The following ABCG1 variants were observed in gnomAD, a reference collection of about 807,000 sequenced individuals.
ABCG1 encodes the protein ATP-binding cassette sub-family G member 1.
Under a neutral mutation model 69.2 loss-of-function variants are expected in ABCG1, and 29 were observed. The observed-to-expected ratio is 0.42, with a 90% confidence interval of 0.31 to 0.57. The LOEUF (loss-of-function observed/expected upper bound fraction) is 0.57. Among genes scored for constraint, ABCG1 ranks in the 20% least tolerant of loss-of-function variants. The pLI is 0.15. For missense variants in ABCG1, 718 were observed against 898.1 expected (o/e 0.80, Z 2.56); for synonymous variants, 370 against 374.8 (o/e 0.99, Z 0.15).
At chr21:42,231,624 TA>T (rs1228903881) in intron 2 of ABCG1, among the ~76,000 whole-genome samples, 1 of 152,252 alleles carries the variant, frequency 6.6e-6, no homozygotes, top group African/African-American at 2.4e-5. Context: ...GGAATTCCAT[TA>T]AGGGAAGACT....
At position 42,273,851 on chromosome 21, in the gene ABCG1, G is replaced by C. The variant is rs1051122756; in HGVS notation, c.537+416G>C. 6.6e-6 allele frequency among the ~76,000 whole-genome samples: 1 copy of C among 152,168 alleles called. No individual in the cohort carries two copies. Among genetic ancestry groups the C allele is most frequent in the Non-Finnish European group, 1.5e-5 (1 of 68,036 alleles). ...CCCACTCGCCTGGTGCCTTGGTCAG[G>C]ATACCAAGGGTCTATTCCTCTGACT... On this transcript the variant is annotated intron_variant, in intron 4 of 14. Coordinates refer to ENST00000398449, the MANE Select transcript of ABCG1 (RefSeq NM_016818.3). The surrounding 1 kb of genome is among the most constrained non-coding windows in gnomAD (Gnocchi z 5.3).
At chr21:42,243,434 C>CCGTGTGTG (rs2068080644) in intron 2 of ABCG1, among the ~76,000 whole-genome samples, 3 of 102,354 alleles carry the variant, frequency 2.9e-5, no homozygotes, top group Admixed American at 1.0e-4. Flanking sequence ...TATTTTAATA[C>CCGTGTGTG]CGTGTGTGTG....
chr21:42,238,468 C>T (rs771759278), intron 2 of ABCG1, among the ~76,000 whole-genome samples: 6 of 152,130 alleles, frequency 3.9e-5, no homozygotes, highest in Admixed American at 6.6e-5. Flanking sequence ...ATTTCAGACG[C>T]GTTAAATCCC....
chr21:42,207,715 G>A (rs536346160), intron 2 of ABCG1, among the ~76,000 whole-genome samples: 1 of 152,346 alleles, frequency 6.6e-6, no homozygotes, highest in Admixed American at 6.5e-5. Flanking sequence ...CAAAAGAGGG[G>A]CTCCTCATTA....
intron 5 of ABCG1, among the ~76,000 whole-genome samples, chr21:42,280,626 C>T (rs1365958885): frequency 6.6e-6 from 1 of 152,232 alleles, no homozygotes; most frequent in Non-Finnish European, 1.5e-5. Flanking sequence ...TGAGCGGACA[C>T]TGGAGAAAGT....
intron 7 of ABCG1, among the ~76,000 whole-genome samples, chr21:42,285,039 G>A (rs1188725711): frequency 6.6e-6 from 1 of 152,146 alleles, no homozygotes; most frequent in Non-Finnish European, 1.5e-5. Context: ...GGAAGCTGGT[G>A]AGCAGAGTCC....
At position 42,265,764 on chromosome 21, in the gene ABCG1, G is replaced by A. The variant is rs150690068; in HGVS notation, c.287-5306G>A. ...CCTCTGGTCCACTACACCGGACTGC[G>A]AGCTGGCTCAGGACCGCAGGCTGGG... On this transcript the variant is annotated intron_variant, in intron 2 of 14. Coordinates refer to ENST00000398449, the MANE Select transcript of ABCG1 (RefSeq NM_016818.3). 1.9e-4 allele frequency among the ~76,000 whole-genome samples: 29 copies of A among 152,312 alleles called. No individual in the cohort carries two copies. In the East Asian group the frequency reaches 4.8e-3, roughly 25 times the overall value.
At chr21:42,294,237 G>A (rs1162058704) in intron 13 of ABCG1, among the ~76,000 whole-genome samples, 6 of 152,194 alleles carry the variant, frequency 3.9e-5, no homozygotes, top group South Asian at 4.1e-4. Flanking sequence ...AGGAGCAGAC[G>A]GCAGTCTGTT....
intron 2 of ABCG1, among the ~76,000 whole-genome samples, chr21:42,263,380 T>C (rs2068445882): frequency 6.6e-6 from 1 of 152,212 alleles, no homozygotes. Flanking sequence ...TTTGGGGGTT[T>C]ACTTTAGATT....
At chr21:42,225,973 G>T (rs951983790) in intron 2 of ABCG1, 59 bp downstream of exon 2, 4 of 1,578,130 alleles carry the variant, frequency 2.5e-6, no homozygotes, top group East Asian at 2.3e-5. Context: ...GGAGGCAACA[G>T]GTTGTTTGGG....
chr21:42,219,340 T>C lies in ABCG1; in HGVS notation c.42+36T>C. On this transcript the variant is annotated intron_variant, in intron 1 of 14. Coordinates refer to ENST00000398449, the MANE Select transcript of ABCG1 (RefSeq NM_016818.3). The surrounding 1 kb of genome is among the most constrained non-coding windows in gnomAD (Gnocchi z 5.3). Reference sequence around the variant, plus strand: ...GCATCCTTCGTCCGCCGGGAACGGTTTTATTTTCAAGGAGAGCAGGAAACA... The same window carrying C: ...GCATCCTTCGTCCGCCGGGAACGGTCTTATTTTCAAGGAGAGCAGGAAACA... 1 of 1,591,452 alleles carries C rather than the reference T, an allele frequency of 6.3e-7. No individual in the cohort carries two copies.
At position 42,291,118 on chromosome 21, in the gene ABCG1, C is replaced by T. The variant is rs202091918; in HGVS notation, c.1420C>T (p.Arg474Trp). 2.5e-6 allele frequency: 4 copies of T among 1,613,986 alleles called. No homozygotes were observed. Among genetic ancestry groups the T allele is most frequent in the East Asian group, 2.2e-5 (1 of 44,898 alleles). The change falls in exon 12 of 15, where the codon CGG becomes TGG. Residue 474 changes from arginine to tryptophan, a missense_variant. Around this residue, in one of 2 missense-constraint regions of ABCG1, gnomAD observed 204 missense variants for 323.8 expected, o/e 0.63. Coordinates refer to ENST00000398449, the MANE Select transcript of ABCG1 (RefSeq NM_016818.3). The surrounding 1 kb of genome is among the most constrained non-coding windows in gnomAD (Gnocchi z 6.4). ...TFPLEMGVFL[R>W]EHLNYWYSLK... Reference sequence around the variant, plus strand: ...TCCCCTGGAGATGGGAGTCTTTCTTCGGGAACACCTGAACTACTGGTACAG... The same window carrying T: ...TCCCCTGGAGATGGGAGTCTTTCTTTGGGAACACCTGAACTACTGGTACAG...
chr21:42,201,533 C>A, intron 1 of ABCG1: 1 of 1,336,992 alleles, frequency 7.5e-7, no homozygotes, highest in Non-Finnish European at 1.0e-6. Context: ...CTGAGTTAAT[C>A]TGAGTGAGCT....
At chr21:42,234,270 A>G (rs1328724251) in intron 2 of ABCG1, among the ~76,000 whole-genome samples, 1 of 152,166 alleles carries the variant, frequency 6.6e-6, no homozygotes, top group African/African-American at 2.4e-5. Flanking sequence ...CCCTGCCTCT[A>G]TAAGCGCCAC....
At position 42,273,326 on chromosome 21, in the gene ABCG1, T is replaced by C; in HGVS notation, c.428T>C (p.Val143Ala). ...GYRETGMKGAVLINGLPRDLR... is the reference protein window; with the variant it reads ...GYRETGMKGAALINGLPRDLR... Reference sequence around the variant, plus strand: ...AGGGAGACGGGCATGAAGGGGGCCGTCCTCATCAACGGCCTGCCCCGGGAC... The same window carrying C: ...AGGGAGACGGGCATGAAGGGGGCCGCCCTCATCAACGGCCTGCCCCGGGAC... The change falls in exon 4 of 15, where the codon GTC becomes GCC. Residue 143 changes from valine (V) to alanine (A), a missense_variant. Transcript: ENST00000398449. The surrounding 1 kb of genome is among the most constrained non-coding windows in gnomAD (Gnocchi z 5.3). 1 of 1,613,424 alleles carries C rather than the reference T, an allele frequency of 6.2e-7. No individual in the cohort carries two copies. Among genetic ancestry groups the C allele is most frequent in the Non-Finnish European group, 8.5e-7 (1 of 1,179,856 alleles).
In ABCG1 at chr21:42,219,584, G is replaced by A. The variant is rs1279424864; in HGVS notation, c.42+280G>A. ...GGGCAGCGAGTTGCCCTACAAGTTG[G>A]ACCGATGGCCTTGACCTGATGGCTT... is the stretch of plus-strand genomic sequence containing the variant. On this transcript the variant is annotated intron_variant, in intron 1 of 14. Coordinates refer to ENST00000398449, the MANE Select transcript of ABCG1 (RefSeq NM_016818.3). The surrounding 1 kb of genome is among the most constrained non-coding windows in gnomAD (Gnocchi z 5.3). 1.3e-5 allele frequency among the ~76,000 whole-genome samples: 2 copies of A among 151,954 alleles called. No individual in the cohort carries two copies. The highest frequency in any genetic ancestry group is 1.9e-4 in the East Asian group (1 of 5,146).
At chr21:42,294,918 CG>C in intron 14 of ABCG1, 1 of 445,072 alleles carries the variant, frequency 2.2e-6, no homozygotes, top group Non-Finnish European at 4.2e-6. Context: ...GTGTTCTGGA[CG>C]TTGCCGAGAG....
intron 1 of ABCG1, chr21:42,201,468 A>G: frequency 1.6e-6 from 1 of 639,690 alleles, no homozygotes; most frequent in Non-Finnish European, 2.6e-6. Flanking sequence ...CGGGCCACGG[A>G]CTGGTCTGCA....
chr21:42,210,613 C>G (rs2067579220), intron 2 of ABCG1, among the ~76,000 whole-genome samples: 1 of 152,186 alleles, frequency 6.6e-6, no homozygotes, highest in South Asian at 2.1e-4. Context: ...CTTAACTTGT[C>G]TTGTCTTAAC....
Sources: allele counts gnomAD v4.1 joint callset (sites outside exome capture counted in the v4.1 genomes callset), GRCh38; gene constraint gnomAD v4.1.1; regional missense constraint gnomAD v4.1.1; non-coding constraint Gnocchi (gnomAD v3.1); transcripts MANE v1.5; gene names NCBI Gene and HGNC (gene_info 2026-07-23, HGNC 2026-07-21).